ATG2B: variants seen among roughly 807,000 people sequenced by gnomAD.
The protein encoded by ATG2B is autophagy related 2B.
Under a neutral mutation model 241.3 loss-of-function variants are expected in ATG2B, and 121 were observed. That is an observed-to-expected ratio of 0.50 (90% CI 0.43 to 0.58). ATG2B has a LOEUF of 0.58. Ranked by LOEUF, ATG2B falls within the 20% of genes least tolerant of loss-of-function variation. The pLI, the probability that ATG2B is intolerant of heterozygous loss-of-function variation, is 0.00. For synonymous variants in ATG2B, 858 were observed against 876.6 expected (o/e 0.98, Z 0.37); for missense variants, 2,306 against 2,491.6 (o/e 0.93, Z 1.59).
intron 25 of ATG2B, 102 bp from the exon 26 acceptor site, chr14:96,312,261 C>A: frequency 1.3e-6 from 1 of 795,878 alleles, no homozygotes; most frequent in East Asian, 2.8e-5. Context: ...CTGGTATGAA[C>A]ATTGTTGAAA....
rs1307727459 is a variant in ATG2B, at chr14:96,290,989, G to C, written c.5580-54C>G. ...AAGGAGAAATACATTTATAGACACA[G>C]ATTAGTTTGAGGGTTTTTTTTTACT... On this transcript the variant is annotated intron_variant, in intron 38 of 41. Transcript: ENST00000359933. This position sits in a 1 kb window ranked among gnomAD's most constrained non-coding sequence, Gnocchi z 4.4. 1 of 1,453,210 alleles carries C rather than the reference G, an allele frequency of 6.9e-7. No individual in the cohort carries two copies. The highest frequency in any genetic ancestry group is 9.2e-7 in the Non-Finnish European group (1 of 1,086,584). 90.0% of individuals were successfully genotyped at this position (1,453,210 alleles called of 1,614,324 possible).
At chr14:96,311,754 T>C (rs1412622764) in intron 26 of ATG2B, 136 bp from the exon 27 acceptor site, 3 of 606,628 alleles carry the variant, frequency 4.9e-6, no homozygotes, top group Non-Finnish European at 8.6e-6. Flanking sequence ...GCAATGAAAA[T>C]AGTTTCATCC....
rs1362845673 is a variant in ATG2B at position 96,281,103 on chromosome 14, A to C, written c.*4652T>G. On this transcript the variant is annotated 3_prime_UTR_variant, in exon 42 of 42. Transcript: ENST00000359933. ...TCCATACAGCTCAGCAATCAGTAGC[A>C]GACAGACCCAAGATCTGCTATCAGA... The C allele has an allele frequency of 6.6e-6, 1 of 152,180 alleles. No individual in the cohort carries two copies. Among genetic ancestry groups the C allele is most frequent in the Non-Finnish European group, 1.5e-5 (1 of 68,032 alleles). The allele number at this position is 152,180 out of a possible 1,614,324, so 9.4% of individuals were successfully genotyped here. A position where few individuals can be genotyped will look rare whatever the true frequency, so the allele number is the denominator to read the frequency against.
At position 96,289,927 on chromosome 14, in the gene ATG2B, C is replaced by T. The variant is rs189894249; in HGVS notation, c.5857-122G>A. The stretch of plus-strand genomic sequence containing the variant: ...AGGAACTCACAAACCCTAATGAAGA[C>T]ACTTCTGCGTATCTGAATTCTTTAC... On this transcript the variant is annotated intron_variant, in intron 40 of 41. Transcript: ENST00000359933. This position sits in a 1 kb window ranked among gnomAD's most constrained non-coding sequence, Gnocchi z 4.3. 226 of 987,298 alleles carry T rather than the reference C, an allele frequency of 2.3e-4. No homozygotes were observed. Among genetic ancestry groups the T allele is most frequent in the Non-Finnish European group, 3.0e-4 (206 of 681,472 alleles). The allele number at this position is 987,298 out of a possible 1,614,324, so 61.2% of individuals were successfully genotyped here.
At chr14:96,353,063 T>C (rs1229898043) in intron 1 of ATG2B, among the ~76,000 whole-genome samples, 1 of 152,220 alleles carries the variant, frequency 6.6e-6, no homozygotes, top group Non-Finnish European at 1.5e-5. Context: ...TATGTTTAGA[T>C]ACACAAATAC....
intron 1 of ATG2B, among the ~76,000 whole-genome samples, chr14:96,348,978 T>C (rs1324728753): frequency 6.6e-6 from 1 of 152,120 alleles, no homozygotes; most frequent in Non-Finnish European, 1.5e-5. Flanking sequence ...CTCACTAAGC[T>C]TACAAGATAG....
chr14:96,323,267 C>A (rs1337650274), intron 16 of ATG2B, among the ~76,000 whole-genome samples: 1 of 152,130 alleles, frequency 6.6e-6, no homozygotes, highest in Non-Finnish European at 1.5e-5. Flanking sequence ...AACCACAAAA[C>A]CTAAAGATCA....
chr14:96,304,881 A>G (rs1886895098), intron 31 of ATG2B, among the ~76,000 whole-genome samples: 2 of 152,188 alleles, frequency 1.3e-5, no homozygotes, highest in African/African-American at 4.8e-5. Context: ...GTATCACAGG[A>G]TACACTTAGA....
chr14:96,305,874 G>A, intron 30 of ATG2B, 59 bp from the exon 31 acceptor site: 1 of 1,315,782 alleles, frequency 7.6e-7, no homozygotes, highest in Non-Finnish European at 1.1e-6. Flanking sequence ...AACTGATTAT[G>A]CTGCACATCT....
At chr14:96,304,862 C>A (rs957110457) in intron 31 of ATG2B, among the ~76,000 whole-genome samples, 4 of 152,130 alleles carry the variant, frequency 2.6e-5, no homozygotes, top group Admixed American at 2.6e-4. Context: ...AATTATGATG[C>A]TGGGATCCGT....
chr14:96,342,856 T>C (rs1346990275), intron 5 of ATG2B, among the ~76,000 whole-genome samples: 1 of 152,048 alleles, frequency 6.6e-6, no homozygotes, highest in Non-Finnish European at 1.5e-5. Flanking sequence ...GAATAAGAGA[T>C]ACTCAACTTC....
intron 7 of ATG2B, among the ~76,000 whole-genome samples, chr14:96,334,182 GA>G (rs1437144187): frequency 6.6e-6 from 1 of 152,136 alleles, no homozygotes; most frequent in African/African-American, 2.4e-5. Context: ...AACAATTTTA[GA>G]AAAGTTAAGA....
intron 37 of ATG2B, 104 bp from the exon 38 acceptor site, chr14:96,291,786 C>T: frequency 6.3e-6 from 5 of 789,930 alleles, no homozygotes; most frequent in South Asian, 2.0e-5. Context: ...ATTATTGATA[C>T]TAAAACACTT....
rs890608640 is a variant in ATG2B at position 96,283,417 on chromosome 14, T to C, written c.*2338A>G. Reference sequence around the variant, plus strand: ...TGATGTCGCCAGAGAGGACTCTCACTGGACGAGGCCCAGTGGTCTGAGGCT... The same window carrying C: ...TGATGTCGCCAGAGAGGACTCTCACCGGACGAGGCCCAGTGGTCTGAGGCT... On this transcript the variant is annotated 3_prime_UTR_variant, in exon 42 of 42. Coordinates refer to ENST00000359933, the MANE Select transcript of ATG2B (RefSeq NM_018036.7). The C allele has an allele frequency of 6.6e-6, 1 of 152,270 alleles. No homozygotes were observed. The highest frequency in any genetic ancestry group is 1.5e-5 in the Non-Finnish European group (1 of 68,086). The allele number at this position is 152,270 out of a possible 1,614,324, so 9.4% of individuals were successfully genotyped here. A position where few individuals can be genotyped will look rare whatever the true frequency, so the allele number is the denominator to read the frequency against.
chr14:96,311,785 CTTTAT>C (rs1289358993), intron 26 of ATG2B, among the ~76,000 whole-genome samples, 167 bp from the exon 27 acceptor site: 5 of 152,038 alleles, frequency 3.3e-5, no homozygotes, highest in Admixed American at 2.6e-4. Context: ...CTAAAATTCA[CTTTAT>C]TTTTTGTTAG....
In ATG2B at chr14:96,315,550, G is replaced by A; in HGVS notation, c.3395C>T (p.Thr1132Ile). 6.2e-7 allele frequency: 1 copy of A among 1,613,978 alleles called. No homozygotes were observed. Among genetic ancestry groups the A allele is most frequent in the South Asian group, 1.1e-5 (1 of 91,078 alleles). The stretch of plus-strand genomic sequence containing the variant: ...TGGGCGGGTTGAGCTGGGAAGTCGT[G>A]TTTCTGTCGGGAGAATCACTCCATT... ...IVNGVILPTE[T>I]RLPSSTRPHW... is the part of the protein sequence containing the mutation. Residue 1132 changes from threonine (T) to isoleucine (I), a missense_variant, in exon 22 of 42, where the codon ACA becomes ATA. Around this residue, in one of 2 missense-constraint regions of ATG2B, gnomAD observed 1,927 missense variants for 2,011.2 expected, o/e 0.96. Transcript: ENST00000359933.
In ATG2B at chr14:96,298,713, A is replaced by C. The variant is rs117636989; in HGVS notation, c.5140-3153T>G. 4.3e-3 allele frequency among the ~76,000 whole-genome samples: 650 copies of C among 152,310 alleles called. 26 individuals carry two copies. In the South Asian group the frequency reaches 0.067, roughly 16 times the overall value. Reference sequence around the variant, plus strand: ...TTGCAGAACAGGAAAAAACTAATCTATGGTGACCAAAAGATCAGTCAGTAG... The same window carrying C: ...TTGCAGAACAGGAAAAAACTAATCTCTGGTGACCAAAAGATCAGTCAGTAG... On this transcript the variant is annotated intron_variant, in intron 34 of 41. Coordinates refer to ENST00000359933, the MANE Select transcript of ATG2B (RefSeq NM_018036.7).
At chr14:96,352,236 T>C (rs1225952138) in intron 1 of ATG2B, among the ~76,000 whole-genome samples, 2 of 152,194 alleles carry the variant, frequency 1.3e-5, no homozygotes, top group Non-Finnish European at 2.9e-5. Flanking sequence ...AATAAACCTC[T>C]TGCTCTGCCA....
At chr14:96,303,441 A>C (rs1249338977) in intron 32 of ATG2B, among the ~76,000 whole-genome samples, 186 bp from the exon 33 acceptor site, 1 of 152,186 alleles carries the variant, frequency 6.6e-6, no homozygotes, top group East Asian at 1.9e-4. Context: ...ATTAATCTAC[A>C]GTGCTCCCTG....
Sources: gnomAD v4.1 joint callset for allele counts (sites outside exome capture counted in the v4.1 genomes callset) on GRCh38, gnomAD v4.1.1 for gene constraint, gnomAD v4.1.1 regional missense constraint, Gnocchi (gnomAD v3.1) non-coding constraint, MANE v1.5 for transcripts, NCBI Gene and HGNC (gene_info 2026-07-23, HGNC 2026-07-21) for gene names.